PTCHD4: variants seen among roughly 807,000 people sequenced by gnomAD.
The protein encoded by PTCHD4 is patched domain containing 4.
PTCHD4 carries 33 observed loss-of-function variants against 58.1 expected under a neutral mutation model. The observed-to-expected ratio is 0.57, with a 90% CI of 0.43 to 0.76. The LOEUF (loss-of-function observed/expected upper bound fraction) is 0.76, where lower values mean the gene tolerates loss of function less well. Among genes scored for constraint, PTCHD4 ranks in the 30% least tolerant of loss-of-function variants. The pLI is 0.00. For missense variants in PTCHD4, 1,058 were observed against 1,027.1 expected (o/e 1.03, Z -0.41); for synonymous variants, 478 against 409.6 (o/e 1.17, Z -2.02).
chr6:47,990,269 A>G (rs937302753), intron 4 of PTCHD4, among the ~76,000 whole-genome samples: 2 of 152,106 alleles, frequency 1.3e-5, no homozygotes, highest in African/African-American at 4.8e-5. Context: ...ACTTTGGACT[A>G]TGGACTTTTG....
In PTCHD4 at chr6:47,861,261, G is replaced by GA. The variant is rs570721952; in HGVS notation, c.*17041dup. Among the ~76,000 whole-genome samples, 7 of 151,776 alleles carry GA rather than the reference G, an allele frequency of 4.6e-5. No homozygotes were observed. The highest frequency in any genetic ancestry group is 7.4e-5 in the Non-Finnish European group (5 of 67,870). The stretch of plus-strand genomic sequence containing the variant: ...AAATAGAAGAGGTGGCAACAGGGTA[G>GA]AAAACGACTCATTAACACTCCTTGC... On this transcript the variant is annotated 3_prime_UTR_variant, in exon 5 of 5. Transcript: ENST00000339488.
At chr6:47,914,120 T>C (rs1765155002) in intron 4 of PTCHD4, among the ~76,000 whole-genome samples, 1 of 152,152 alleles carries the variant, frequency 6.6e-6, no homozygotes, top group African/African-American at 2.4e-5. Context: ...TACACTTATG[T>C]TTGGTATTAT....
chr6:48,059,232 C>G (rs1006764976), intron 3 of PTCHD4, among the ~76,000 whole-genome samples: 3 of 152,086 alleles, frequency 2.0e-5, no homozygotes, highest in African/African-American at 7.2e-5. Flanking sequence ...GCATTTTTAA[C>G]AAGATTCTTA....
intron 1 of PTCHD4, among the ~76,000 whole-genome samples, chr6:48,108,093 A>G (rs1765778425): frequency 6.6e-6 from 1 of 152,206 alleles, no homozygotes; most frequent in South Asian, 2.1e-4. Flanking sequence ...CAGCCATCCT[A>G]TTACTGGGCA....
chr6:48,103,660 G>A (rs1398170182), intron 1 of PTCHD4, among the ~76,000 whole-genome samples: 2 of 151,984 alleles, frequency 1.3e-5, no homozygotes, highest in East Asian at 1.9e-4. Context: ...CCGAGCTAAA[G>A]GAGGAAGTTC....
At chr6:48,033,520 T>C (rs140013780) in intron 3 of PTCHD4, among the ~76,000 whole-genome samples, 17 of 151,702 alleles carry the variant, frequency 1.1e-4, no homozygotes, top group African/African-American at 3.9e-4. Flanking sequence ...GGACTTAGTG[T>C]GGAGTTTGTG....
intron 4 of PTCHD4, among the ~76,000 whole-genome samples, chr6:47,888,615 A>G (rs185924805): frequency 4.3e-4 from 66 of 152,068 alleles, no homozygotes; most frequent in Non-Finnish European, 8.2e-4. Context: ...TCATTTTGAC[A>G]ATTTATTTTG....
intron 1 of PTCHD4, among the ~76,000 whole-genome samples, chr6:48,100,850 C>T (rs1431029928): frequency 6.6e-6 from 1 of 152,074 alleles, no homozygotes; most frequent in East Asian, 1.9e-4. Flanking sequence ...AGAATCCTGA[C>T]CAAAACCTCA....
rs1264058240 is a variant in PTCHD4 at position 47,864,307 on chromosome 6, T to TAG, written c.*13995_*13996insCT. 3.4e-5 allele frequency among the ~76,000 whole-genome samples: 3 copies of TAG among 88,256 alleles called. No homozygotes were observed. Among genetic ancestry groups the TAG allele is most frequent in the East Asian group, 1.0e-3 (2 of 1,940 alleles). 57.9% of individuals were successfully genotyped at this position (88,256 alleles called of 152,430 possible). A position where few individuals can be genotyped will look rare whatever the true frequency, so the allele number is the denominator to read the frequency against. The stretch of plus-strand genomic sequence containing the variant: ...TAAATGGAGCCCATTATTTTTGAGA[T>TAG]ATATATATACACACACACACACATA... On this transcript the variant is annotated 3_prime_UTR_variant, in exon 5 of 5. Transcript: ENST00000339488.
chr6:48,062,473 T>A (rs1183586678), intron 3 of PTCHD4, among the ~76,000 whole-genome samples: 1 of 152,188 alleles, frequency 6.6e-6, no homozygotes, highest in Non-Finnish European at 1.5e-5. Flanking sequence ...CACTTTTTTT[T>A]AACCCTCTTT....
chr6:48,061,208 AT>A lies in PTCHD4; in HGVS notation c.417+7021del, dbSNP rs527670173. Reference sequence around the variant, plus strand: ...AAGGGACTTGAGAAAAATGCTGCTGATTTTTTTTTCTTAAAGAGATGGTTGG... The same window carrying A: ...AAGGGACTTGAGAAAAATGCTGCTGATTTTTTTTCTTAAAGAGATGGTTGG... On this transcript the variant is annotated intron_variant, in intron 3 of 4. Coordinates refer to ENST00000339488, the MANE Select transcript of PTCHD4 (RefSeq NM_001384253.1). 1.3e-3 allele frequency among the ~76,000 whole-genome samples: 192 copies of A among 151,820 alleles called. 1 individual carries two copies. The highest frequency in any genetic ancestry group is 9.3e-3 in the East Asian group (48 of 5,150).
chr6:48,001,050 G>A (rs1030529030), intron 4 of PTCHD4, among the ~76,000 whole-genome samples: 1 of 152,102 alleles, frequency 6.6e-6, no homozygotes, highest in Non-Finnish European at 1.5e-5. Context: ...ACTTACAAGG[G>A]ATGTGAAGGA....
chr6:48,021,108 CTT>C (rs1191382093), intron 3 of PTCHD4, among the ~76,000 whole-genome samples: 2 of 151,832 alleles, frequency 1.3e-5, no homozygotes, highest in African/African-American at 4.8e-5. Context: ...TTTATACTGT[CTT>C]TTAAAAAATC....
intron 1 of PTCHD4, among the ~76,000 whole-genome samples, chr6:48,075,240 A>G (rs930298680): frequency 2.0e-5 from 3 of 152,182 alleles, no homozygotes; most frequent in Non-Finnish European, 2.9e-5. Flanking sequence ...CTTAAAGCCT[A>G]TGATAAACAC....
chr6:48,028,135 G>A (rs1043355696), intron 3 of PTCHD4, among the ~76,000 whole-genome samples: 8 of 152,064 alleles, frequency 5.3e-5, no homozygotes, highest in African/African-American at 1.7e-4. Flanking sequence ...TAAAGACAGG[G>A]TTTCGCATTG....
chr6:48,080,869 C>T (rs1376697430), intron 1 of PTCHD4, among the ~76,000 whole-genome samples: 1 of 152,156 alleles, frequency 6.6e-6, no homozygotes, highest in African/African-American at 2.4e-5. Flanking sequence ...CCAGCCTCAG[C>T]TCTCCCGGTA....
At chr6:48,045,048 C>T (rs1311902551) in intron 3 of PTCHD4, among the ~76,000 whole-genome samples, 1 of 151,746 alleles carries the variant, frequency 6.6e-6, no homozygotes, top group Non-Finnish European at 1.5e-5. Context: ...CCTTTTATGA[C>T]AGCCCTTCCA....
intron 4 of PTCHD4, among the ~76,000 whole-genome samples, chr6:47,942,992 A>G (rs1766290815): frequency 6.6e-6 from 1 of 152,176 alleles, no homozygotes; most frequent in African/African-American, 2.4e-5. Flanking sequence ...TTCTTGTGGC[A>G]TAACCCCTCC....
chr6:47,971,176 A>G, intron 4 of PTCHD4, among the ~76,000 whole-genome samples: 1 of 152,226 alleles, frequency 6.6e-6, no homozygotes, highest in East Asian at 1.9e-4. Flanking sequence ...AGAGAAAAGC[A>G]TGACATTGAA....
Sources: gnomAD v4.1 joint callset for allele counts (sites outside exome capture counted in the v4.1 genomes callset) on GRCh38, gnomAD v4.1.1 for gene constraint, MANE v1.5 for transcripts, NCBI Gene and HGNC (gene_info 2026-07-23, HGNC 2026-07-21) for gene names.